The following RANBP2 variants were observed in gnomAD, a reference collection of about 807,000 sequenced individuals.
RANBP2 encodes E3 SUMO-protein ligase RanBP2.
A neutral mutation model predicts 303.6 loss-of-function variants in RANBP2; 57 were observed. That is an observed-to-expected ratio of 0.19 (90% CI 0.15 to 0.23). The LOEUF (loss-of-function observed/expected upper bound fraction) is 0.23. Ranked by LOEUF, RANBP2 falls within the 10% of genes least tolerant of loss-of-function variation. RANBP2 has a pLI of 1.00. For synonymous variants in RANBP2, 1,167 were observed against 1,301.5 expected, an observed-to-expected ratio of 0.90 and a Z score of 2.23; for missense variants, 3,138 against 3,780.8, an observed-to-expected ratio of 0.83 and a Z score of 4.46.
the RANBP2 span, among the ~76,000 whole-genome samples, chr2:109,170,565 C>T: frequency 8.0e-4 from 121 of 152,158 alleles, 1 homozygote; most frequent in African/African-American, 2.7e-3. Flanking sequence ...AGGATGGTCT[C>T]GATCTCCTGA....
chr2:109,464,496 A>G, the RANBP2 span, among the ~76,000 whole-genome samples: 1 of 152,228 alleles, frequency 6.6e-6, no homozygotes, highest in African/African-American at 2.4e-5. Context: ...ATACAGATGC[A>G]TACACAAATA....
the RANBP2 span, among the ~76,000 whole-genome samples, chr2:109,429,465 A>C: frequency 6.6e-6 from 1 of 152,196 alleles, no homozygotes; most frequent in South Asian, 2.1e-4. Context: ...AAAATTTAAG[A>C]TGAAGAGGCC....
chr2:109,496,128 G>A, the RANBP2 span, among the ~76,000 whole-genome samples: 6 of 152,250 alleles, frequency 3.9e-5, no homozygotes, highest in East Asian at 3.9e-4. Context: ...CTATCAGAAC[G>A]CCCTTTTTTC....
the RANBP2 span, chr2:108,882,833 C>T: frequency 6.6e-6 from 1 of 152,248 alleles, no homozygotes; most frequent in Non-Finnish European, 1.5e-5. Flanking sequence ...ATAAATGGAA[C>T]TGTGTGCAGA....
At chr2:109,512,140 C>G in the RANBP2 span, among the ~76,000 whole-genome samples, 3 of 152,146 alleles carry the variant, frequency 2.0e-5, no homozygotes, top group Admixed American at 6.5e-5. Context: ...GGGGGCTTGT[C>G]CGCCCTCCTC....
At chr2:108,876,050 GTA>G in the RANBP2 span, 3 of 1,349,112 alleles carry the variant, frequency 2.2e-6, no homozygotes, top group Non-Finnish European at 3.2e-6. Flanking sequence ...AACTCTCTAA[GTA>G]TGTGTAATTA....
chr2:108,771,162 A>G (rs1320027223), intron 20 of RANBP2, among the ~76,000 whole-genome samples: 1 of 150,906 alleles, frequency 6.6e-6, no homozygotes, highest in East Asian at 1.9e-4. Context: ...ATTTAATTTT[A>G]CTTAGTATCA....
intron 1 of RANBP2, among the ~76,000 whole-genome samples, chr2:108,723,485 C>T (rs1016523585): frequency 1.3e-4 from 19 of 151,986 alleles, no homozygotes; most frequent in Non-Finnish European, 2.1e-4. Flanking sequence ...CCGTGTTAGC[C>T]AGGATAGTCT....
the RANBP2 span, among the ~76,000 whole-genome samples, chr2:109,243,751 T>C: frequency 6.6e-6 from 1 of 152,052 alleles, no homozygotes; most frequent in Non-Finnish European, 1.5e-5. Flanking sequence ...AACCTCGGGG[T>C]GGCCCGAGTG....
chr2:109,663,198 C>T, the RANBP2 span, among the ~76,000 whole-genome samples: 12 of 152,166 alleles, frequency 7.9e-5, no homozygotes, highest in Non-Finnish European at 1.8e-4. Flanking sequence ...TATTCATATT[C>T]ATTCATTAGA....
chr2:109,188,758 C>T, the RANBP2 span, among the ~76,000 whole-genome samples: 17 of 152,266 alleles, frequency 1.1e-4, no homozygotes, highest in Middle Eastern at 6.8e-3. Flanking sequence ...GAGACACCAT[C>T]GCAGAAGCCA....
the RANBP2 span, among the ~76,000 whole-genome samples, chr2:109,017,417 C>CG: frequency 3.3e-5 from 5 of 152,264 alleles, no homozygotes; most frequent in East Asian, 9.7e-4. Flanking sequence ...AGAGAGCGAG[C>CG]AAGTGGTGGA....
At chr2:109,269,572 A>G in the RANBP2 span, among the ~76,000 whole-genome samples, 2 of 152,182 alleles carry the variant, frequency 1.3e-5, no homozygotes, top group Non-Finnish European at 1.5e-5. Context: ...CTTGAGCCCA[A>G]GAGTTGGAGA....
At chr2:109,029,967 T>TATTG in the RANBP2 span, among the ~76,000 whole-genome samples, 1 of 152,232 alleles carries the variant, frequency 6.6e-6, no homozygotes, top group South Asian at 2.1e-4. Flanking sequence ...GCTATCTCTG[T>TATTG]ATTGATGGAT....
the RANBP2 span, among the ~76,000 whole-genome samples, chr2:108,930,704 T>C: frequency 1.5e-3 from 228 of 152,212 alleles, no homozygotes; most frequent in African/African-American, 5.2e-3. Context: ...CAGGGCTGTG[T>C]GTATCACACC....
the RANBP2 span, among the ~76,000 whole-genome samples, chr2:109,530,808 T>C: frequency 6.6e-6 from 1 of 152,120 alleles, no homozygotes; most frequent in Non-Finnish European, 1.5e-5. Context: ...ACTGAGTTAT[T>C]TGTCTTGCCC....
At chr2:109,041,756 G>A in the RANBP2 span, among the ~76,000 whole-genome samples, 1 of 144,276 alleles carries the variant, frequency 6.9e-6, no homozygotes, top group Non-Finnish European at 1.5e-5. Context: ...GGTCAGGTTG[G>A]TCTCGAACTC....
the RANBP2 span, among the ~76,000 whole-genome samples, chr2:109,051,035 A>G: frequency 6.6e-6 from 1 of 152,172 alleles, no homozygotes; most frequent in Non-Finnish European, 1.5e-5. Context: ...TGGTCTCTCC[A>G]GTGCCCACAC....
the RANBP2 span, among the ~76,000 whole-genome samples, chr2:109,336,818 G>A: frequency 6.6e-6 from 1 of 152,142 alleles, no homozygotes; most frequent in Admixed American, 6.5e-5. Context: ...ATGGAAATGG[G>A]GTGCCGAGGG....
Sources: allele counts gnomAD v4.1 joint callset (sites outside exome capture counted in the v4.1 genomes callset), GRCh38; gene constraint gnomAD v4.1.1; transcripts MANE v1.5; gene names NCBI Gene and HGNC (gene_info 2026-07-23, HGNC 2026-07-21).